AGMO: variants seen among roughly 807,000 people sequenced by gnomAD.
AGMO encodes the protein glyceryl-ether monooxygenase.
A neutral mutation model predicts 60.2 loss-of-function variants in AGMO; 75 were observed. The observed-to-expected ratio is 1.25, with a 90% CI of 1.03 to 1.51. The LOEUF (loss-of-function observed/expected upper bound fraction) is 1.51. AGMO is among the 40% of genes most tolerant of loss of function. AGMO has a pLI of 0.00. For synonymous variants in AGMO, 261 were observed against 177.1 expected (o/e 1.47, Z -3.76); for missense variants, 763 against 525.5 (o/e 1.45, Z -4.42).
chr7:15,342,451 A>T (rs570921863), intron 12 of AGMO, among the ~76,000 whole-genome samples: 2 of 152,030 alleles, frequency 1.3e-5, no homozygotes, highest in African/African-American at 4.8e-5. Context: ...TAATGACTTC[A>T]TTGGTAAACT....
chr7:15,280,393 C>G (rs1053015348), intron 12 of AGMO, among the ~76,000 whole-genome samples: 4 of 152,156 alleles, frequency 2.6e-5, no homozygotes, highest in African/African-American at 4.8e-5. Context: ...TGGAACATGA[C>G]CCCAGTGTCC....
At chr7:15,214,750 C>CA (rs902814893) in intron 12 of AGMO, among the ~76,000 whole-genome samples, 10 of 151,688 alleles carry the variant, frequency 6.6e-5, no homozygotes, top group Admixed American at 5.9e-4. Context: ...TTGCGAGGGT[C>CA]AAAAAAAGAG....
At chr7:15,545,570 T>A (rs974737122) in intron 2 of AGMO, among the ~76,000 whole-genome samples, 1 of 152,058 alleles carries the variant, frequency 6.6e-6, no homozygotes, top group Non-Finnish European at 1.5e-5. Context: ...ATAAGTAATA[T>A]AAACTAGGGT....
chr7:15,171,364 T>C, the AGMO span, among the ~76,000 whole-genome samples: 1 of 152,220 alleles, frequency 6.6e-6, no homozygotes, highest in East Asian at 1.9e-4. Flanking sequence ...ATTGTCAACA[T>C]GACTTATCAC....
intron 4 of AGMO, among the ~76,000 whole-genome samples, chr7:15,427,516 G>C (rs1465042928): frequency 1.3e-5 from 2 of 152,046 alleles, no homozygotes; most frequent in East Asian, 3.9e-4. Flanking sequence ...CTGTTTTAGA[G>C]TTCCATCCAG....
intron 12 of AGMO, among the ~76,000 whole-genome samples, chr7:15,283,197 T>G (rs926490370): frequency 6.6e-6 from 1 of 151,934 alleles, no homozygotes; most frequent in Non-Finnish European, 1.5e-5. Context: ...ACAAAGTATC[T>G]AGATAACATT....
At chr7:15,394,260 CACAT>C (rs1333544415) in intron 5 of AGMO, 81 bp from the exon 6 acceptor site, 5 of 1,079,186 alleles carry the variant, frequency 4.6e-6, no homozygotes, top group Non-Finnish European at 7.0e-6. Flanking sequence ...ATTAGAAACT[CACAT>C]AAATTAAGAG....
intron 12 of AGMO, among the ~76,000 whole-genome samples, chr7:15,204,252 G>A (rs1206437124): frequency 6.6e-6 from 1 of 152,020 alleles, no homozygotes; most frequent in Non-Finnish European, 1.5e-5. Context: ...ATAACCACCT[G>A]ATTACCGTAG....
intron 4 of AGMO, among the ~76,000 whole-genome samples, chr7:15,427,967 T>A (rs1781115724): frequency 2.1e-5 from 1 of 48,268 alleles, no homozygotes; most frequent in Admixed American, 1.7e-4. Context: ...ATTTTCATAG[T>A]AATATAGAAG....
chr7:15,295,471 A>G (rs1054616971), intron 12 of AGMO, among the ~76,000 whole-genome samples: 7 of 152,076 alleles, frequency 4.6e-5, no homozygotes, highest in Admixed American at 1.3e-4. Flanking sequence ...GCTATGGAGA[A>G]AAAGAATGCA....
intron 12 of AGMO, among the ~76,000 whole-genome samples, chr7:15,272,550 T>G (rs532169722): frequency 6.6e-6 from 1 of 152,242 alleles, no homozygotes; most frequent in Non-Finnish European, 1.5e-5. Flanking sequence ...TTGGGTTGGT[T>G]CCAAGTCTTT....
intron 12 of AGMO, among the ~76,000 whole-genome samples, chr7:15,244,645 G>GT (rs200839750): frequency 0.026 from 3,967 of 151,680 alleles, 178 homozygotes; most frequent in African/African-American, 0.091. Flanking sequence ...TTTTTTGTTT[G>GT]TTTGTTTGTT....
intron 12 of AGMO, among the ~76,000 whole-genome samples, chr7:15,320,413 C>G (rs1180383678): frequency 6.6e-6 from 1 of 151,896 alleles, no homozygotes; most frequent in Non-Finnish European, 1.5e-5. Context: ...CAATGTTTCT[C>G]ATACCAAATT....
the AGMO span, among the ~76,000 whole-genome samples, chr7:15,135,450 A>G: frequency 6.6e-6 from 1 of 152,126 alleles, no homozygotes; most frequent in African/African-American, 2.4e-5. Flanking sequence ...AAACAGCCAT[A>G]TATTTTGACT....
intron 12 of AGMO, among the ~76,000 whole-genome samples, chr7:15,211,048 C>G (rs889500066): frequency 4.6e-5 from 7 of 151,448 alleles, no homozygotes. Context: ...CATAAAGGGA[C>G]TGGTAAAACA....
At chr7:15,238,648 A>G (rs1486217525) in intron 12 of AGMO, among the ~76,000 whole-genome samples, 4 of 151,788 alleles carry the variant, frequency 2.6e-5, no homozygotes, top group African/African-American at 7.2e-5. Flanking sequence ...GGCAAAAAGG[A>G]TTATATAAAT....
intron 4 of AGMO, among the ~76,000 whole-genome samples, chr7:15,426,659 G>T (rs1454804531): frequency 6.6e-6 from 1 of 152,064 alleles, no homozygotes; most frequent in African/African-American, 2.4e-5. Flanking sequence ...AGAGACAAAA[G>T]AATCGCTTGA....
At chr7:15,215,879 C>T (rs1781721714) in intron 12 of AGMO, among the ~76,000 whole-genome samples, 2 of 151,950 alleles carry the variant, frequency 1.3e-5, no homozygotes, top group Non-Finnish European at 2.9e-5. Context: ...TTTTAAGGTG[C>T]ATGCGAATGT....
intron 12 of AGMO, among the ~76,000 whole-genome samples, chr7:15,328,940 T>C (rs958327335): frequency 6.6e-6 from 1 of 152,146 alleles, no homozygotes; most frequent in African/African-American, 2.4e-5. Context: ...CCTTGCCCTC[T>C]ACCTGAACCT....
Sources: gnomAD v4.1 joint callset for allele counts (sites outside exome capture counted in the v4.1 genomes callset) on GRCh38, gnomAD v4.1.1 for gene constraint, MANE v1.5 for transcripts, NCBI Gene and HGNC (gene_info 2026-07-23, HGNC 2026-07-21) for gene names.